Variants in L1CAM observed in about 807,000 individuals in gnomAD.
The protein encoded by L1CAM is neural cell adhesion molecule L1.
Under a neutral mutation model 93.0 loss-of-function variants are expected in L1CAM, and 8 were observed. The ratio of observed to expected loss-of-function variants is 0.09; its 90% CI spans 0.05 to 0.16. L1CAM has a LOEUF of 0.16. Ranked by LOEUF, L1CAM falls within the 10% of genes least tolerant of loss-of-function variation. L1CAM has a pLI of 1.00. For synonymous variants in L1CAM, 453 were observed against 453.0 expected, an observed-to-expected ratio of 1.00 and a Z score of 0.00; for missense variants, 777 against 1,073.4, an observed-to-expected ratio of 0.72 and a Z score of 3.86.
chrX:153,869,661 G>T lies in L1CAM; in HGVS notation c.1126C>A (p.Leu376Met). The change falls in exon 11 of 29, where the codon CTG (leucine) becomes ATG (methionine). Residue 376 changes from leucine (L) to methionine (M), a missense_variant and splice_region_variant. By Grantham distance (15) the Leu-to-Met change is conservative. Coordinates refer to ENST00000370060, the MANE Select transcript of L1CAM (RefSeq NM_001278116.2). Reference protein sequence around the residue: ...WRINGIPVEELAKDQKYRIQR... With the variant: ...WRINGIPVEEMAKDQKYRIQR... ...ATCCGGTACTTCTGGTCTTTGGCCA[G>T]CTCTGTGCATGCAGCAGGTGGGCCC... The T allele has an allele frequency of 8.3e-7, 1 of 1,207,626 alleles. No individual in the cohort carries two copies. Among genetic ancestry groups the T allele is most frequent in the Non-Finnish European group, 1.1e-6 (1 of 893,533 alleles).
intron 11 of L1CAM, among the ~76,000 whole-genome samples, 153 bp downstream of exon 11, chrX:153,869,367 G>A: frequency 8.9e-6 from 1 of 112,568 alleles, no homozygotes. Flanking sequence ...GGCTGAGTGA[G>A]ATGGGGCGAA....
chrX:153,866,824 C>T lies in L1CAM; in HGVS notation c.2256G>A (p.Val752=). 8.3e-7 allele frequency: 1 copy of T among 1,211,714 alleles called. No individual in the cohort carries two copies. Among genetic ancestry groups the T allele is most frequent in the African/African-American group, 1.7e-5 (1 of 57,860 alleles). ...CTCGTGTCCCCTGAGGGCGCCACTGCACGCGGTACTGAACCTGGGGGGCGT... is the reference window on the plus strand; with the variant it reads ...CTCGTGTCCCCTGAGGGCGCCACTGTACGCGGTACTGAACCTGGGGGGCGT... ...DWNAPQVQYR[V]QWRPQGTRGP... Residue 752 remains valine (V), a synonymous_variant, in exon 19 of 29, where the codon GTG becomes GTA. Coordinates refer to ENST00000370060, the MANE Select transcript of L1CAM (RefSeq NM_001278116.2).
intron 1 of L1CAM, among the ~76,000 whole-genome samples, chrX:153,878,030 C>T (rs1340494978): frequency 1.8e-5 from 2 of 112,270 alleles, no homozygotes; most frequent in Non-Finnish European, 3.8e-5. Flanking sequence ...GAAACAGACT[C>T]CCAAGTGGCC....
At chrX:153,881,145 A>G (rs903314147) in intron 1 of L1CAM, among the ~76,000 whole-genome samples, 1 of 112,132 alleles carries the variant, frequency 8.9e-6, no homozygotes, top group Non-Finnish European at 1.9e-5. Flanking sequence ...AGAAAGCCTC[A>G]TGAGCACTTC....
chrX:153,880,566 G>A, intron 1 of L1CAM: 1 of 327,914 alleles, frequency 3.0e-6, no homozygotes, highest in South Asian at 2.7e-5. Context: ...GGAGCCTGGG[G>A]GGCTTCTGTG....
Position 153,865,483 on chromosome X carries a change from C to A in L1CAM, c.2565G>T (p.Glu855Asp), listed in dbSNP as rs1486944844. 2.1e-5 allele frequency: 25 copies of A among 1,209,281 alleles called. No individual in the cohort carries two copies. Among genetic ancestry groups the A allele is most frequent in the Non-Finnish European group, 2.8e-5 (25 of 894,605 alleles). The change falls in exon 21 of 29, where the codon GAG becomes GAT. Residue 855 changes from glutamate to aspartate, a missense_variant. Physicochemically the swap from Glu to Asp is conservative, Grantham distance 45 (BLOSUM62 2). Coordinates refer to ENST00000370060, the MANE Select transcript of L1CAM (RefSeq NM_001278116.2). The part of the protein sequence containing the change: ...LRGYNVTYWR[E>D]GSQRKHSKRH... ...TCTTGCTGTGCTTCCTCTGACTGCC[C>A]TCCCTCCAGTACGTCACCTGCACAA...
rs1557095559 is a variant in L1CAM, at chrX:153,880,713, CCA to C, written c.-108-4771_-108-4770del. 3 of 337,541 alleles carry C rather than the reference CCA, an allele frequency of 8.9e-6. No homozygotes were observed. The Admixed American group carries it at 9.5e-5, about 11-fold the overall frequency. The allele number at this position is 337,541 out of a possible 1,213,427, so 27.8% of individuals were successfully genotyped here. A position where few individuals can be genotyped will look rare whatever the true frequency, so the allele number is the denominator to read the frequency against. ...TTTCTATGGTGATGCAGCCCAAGTC[CCA>C]GAGGTGGGGGAAGCCAGAGGAAAGC... On this transcript the variant is annotated intron_variant, in intron 1 of 28. Transcript: ENST00000370060.
At chrX:153,872,114 C>G (rs199731703) in intron 5 of L1CAM, 38 bp downstream of exon 5, 1 of 1,126,744 alleles carries the variant, frequency 8.9e-7, no homozygotes, top group East Asian at 3.0e-5. Flanking sequence ...ACACGAACTC[C>G]GGGACCTGCC....
intron 1 of L1CAM, among the ~76,000 whole-genome samples, chrX:153,879,248 G>T (rs995693325): frequency 3.6e-5 from 4 of 111,305 alleles, no homozygotes; most frequent in African/African-American, 1.3e-4. Flanking sequence ...AAAGACAGAC[G>T]TAGGAAGACA....
rs2148498449 is a variant in L1CAM, at chrX:153,870,567, GACTCGAC to G, written c.695-75_695-69del. On this transcript the variant is annotated intron_variant, in intron 7 of 28. Coordinates refer to ENST00000370060, the MANE Select transcript of L1CAM (RefSeq NM_001278116.2). ...CCACCCCAGAATTGCAAGGCTGAGGGACTCGACACTCCAGCCAGCCCCCGGGGCCTCT... is the reference window on the plus strand; with the variant it reads ...CCACCCCAGAATTGCAAGGCTGAGGGACTCCAGCCAGCCCCCGGGGCCTCT... 4.2e-6 allele frequency: 4 copies of G among 945,843 alleles called. No homozygotes were observed. In the East Asian group the frequency reaches 1.3e-4, roughly 30 times the overall value. The allele number at this position is 945,843 out of a possible 1,213,427, so 77.9% of individuals were successfully genotyped here. A position where few individuals can be genotyped will look rare whatever the true frequency, so the allele number is the denominator to read the frequency against.
In L1CAM at chrX:153,869,947, G is replaced by A. The variant is rs1557092462; in HGVS notation, c.992-13C>T. 1.7e-6 allele frequency: 2 copies of A among 1,209,563 alleles called. No homozygotes were observed. Among genetic ancestry groups the A allele is most frequent in the South Asian group, 3.5e-5 (2 of 56,871 alleles). On this transcript the variant is annotated splice_polypyrimidine_tract_variant and intron_variant, in intron 9 of 28. Coordinates refer to ENST00000370060, the MANE Select transcript of L1CAM (RefSeq NM_001278116.2). ...CAGTACGGGGCAGCTGGGAGGAAGG[G>A]GAGAGCCGCCCTGAGCCCGCAGCCA...
intron 20 of L1CAM, 89 bp from the exon 21 acceptor site, chrX:153,865,589 T>C: frequency 2.9e-6 from 3 of 1,030,887 alleles, no homozygotes; most frequent in Non-Finnish European, 4.1e-6. Flanking sequence ...ATGGGGACCC[T>C]CCTCTCAACC....
chrX:153,866,910 A>G (rs782307148), intron 18 of L1CAM, 39 bp from the exon 19 acceptor site: 3 of 1,162,164 alleles, frequency 2.6e-6, no homozygotes, highest in Admixed American at 2.2e-5. Flanking sequence ...GTTGGCCAAG[A>G]ACACCAGCAT....
chrX:153,864,731 A>G (rs1045956465), intron 23 of L1CAM, 27 bp from the exon 24 acceptor site: 3 of 1,211,657 alleles, frequency 2.5e-6, no homozygotes, highest in Admixed American at 2.2e-5. Context: ...GAACGAGGAG[A>G]GTGTGGCAGC....
At chrX:153,873,896 A>G (rs1415877642) in intron 2 of L1CAM, among the ~76,000 whole-genome samples, 2 of 112,271 alleles carry the variant, frequency 1.8e-5, no homozygotes, top group Non-Finnish European at 3.8e-5. Flanking sequence ...CAGCCCCAGG[A>G]CTCTGCAGAG....
chrX:153,867,120 T>C lies in L1CAM; in HGVS notation c.2142A>G (p.Pro714=). Residue 714 remains proline (P), a synonymous_variant, in exon 18 of 29, where the codon CCA becomes CCG. Transcript: ENST00000370060. The part of the protein sequence containing the change: ...SETVVTPEAA[P]EKNPVDVKGE... ...CCTTCACATCCACAGGGTTCTTCTC[T>C]GGGGCTGGAAAGGAAAGTATTAACA... 7 of 1,206,990 alleles carry C rather than the reference T, an allele frequency of 5.8e-6. No homozygotes were observed. The highest frequency in any genetic ancestry group is 7.9e-6 in the Non-Finnish European group (7 of 891,254).
Position 153,868,634 on chromosome X carries a change from G to T in L1CAM, c.1473C>A (p.Asp491Glu), listed in dbSNP as rs782102829. Residue 491 changes from aspartate (D) to glutamate (E), a missense_variant, in exon 13 of 29, where the codon GAC (aspartate) becomes GAA (glutamate). Physicochemically the swap from Asp to Glu is conservative, Grantham distance 45 (BLOSUM62 2). Coordinates refer to ENST00000370060, the MANE Select transcript of L1CAM (RefSeq NM_001278116.2). ...CAGCCAGGCAGAAGTAGCGTCCGGTGTCATTGGCCTGGAGGTCTCGAATGC... is the reference window on the plus strand; with the variant it reads ...CAGCCAGGCAGAAGTAGCGTCCGGTTTCATTGGCCTGGAGGTCTCGAATGC... Reference protein sequence around the residue: ...TLGIRDLQANDTGRYFCLAAN... With the variant: ...TLGIRDLQANETGRYFCLAAN... 1 of 1,211,451 alleles carries T rather than the reference G, an allele frequency of 8.3e-7. No individual in the cohort carries two copies. Among genetic ancestry groups the T allele is most frequent in the Non-Finnish European group, 1.1e-6 (1 of 895,152 alleles).
intron 19 of L1CAM, 126 bp from the exon 20 acceptor site, chrX:153,865,945 G>C: frequency 1.9e-6 from 1 of 513,863 alleles, no homozygotes; most frequent in Non-Finnish European, 3.5e-6. Context: ...GAGGAGGAGA[G>C]GTGTGTTTGC....
rs781952539 is a variant in L1CAM, at chrX:153,875,942, G to A, written c.-106C>T. On this transcript the variant is annotated splice_region_variant and 5_prime_UTR_variant, in exon 2 of 29. Coordinates refer to ENST00000370060, the MANE Select transcript of L1CAM (RefSeq NM_001278116.2). ...CTTGGGGCGGGAGTTGGGAGTGGGG[G>A]CACTGGGAGAGGGGAGAAGGGAAGG... is the stretch of plus-strand genomic sequence containing the variant. 2.6e-4 allele frequency: 165 copies of A among 633,809 alleles called. No individual in the cohort carries two copies. The East Asian group carries it at 5.5e-3, about 21-fold the overall frequency. 52.2% of individuals were successfully genotyped at this position (633,809 alleles called of 1,213,427 possible).
Sources: gnomAD v4.1 joint callset for allele counts (sites outside exome capture counted in the v4.1 genomes callset) on GRCh38, gnomAD v4.1.1 for gene constraint, MANE v1.5 for transcripts, NCBI Gene and HGNC (gene_info 2026-07-23, HGNC 2026-07-21) for gene names.